The following FHIT variants were observed in gnomAD, a reference collection of about 807,000 sequenced individuals.
FHIT encodes the protein bis(5'-adenosyl)-triphosphatase.
FHIT carries 19 observed loss-of-function variants against 17.9 expected under a neutral mutation model. The observed-to-expected ratio is 1.06, with a 90% CI of 0.74 to 1.56. The LOEUF (loss-of-function observed/expected upper bound fraction) is 1.56. Ranked by LOEUF, FHIT falls within the 40% of genes most tolerant of loss-of-function variation. The pLI is 0.00. For missense variants in FHIT, 248 were observed against 189.2 expected, an observed-to-expected ratio of 1.31 and a Z score of -1.82; for synonymous variants, 81 against 69.7, an observed-to-expected ratio of 1.16 and a Z score of -0.81.
chr3:60,413,706 A>G (rs1702147243), intron 5 of FHIT, among the ~76,000 whole-genome samples: 1 of 151,924 alleles, frequency 6.6e-6, no homozygotes, highest in Admixed American at 6.6e-5. Context: ...ATTCTTTTAA[A>G]CTGCTTACAA....
intron 2 of FHIT, among the ~76,000 whole-genome samples, chr3:61,188,680 TC>T (rs2038608535): frequency 6.6e-6 from 1 of 152,104 alleles, no homozygotes; most frequent in Admixed American, 6.6e-5. Context: ...GCAAAAATCC[TC>T]AATAAAATAC....
intron 4 of FHIT, among the ~76,000 whole-genome samples, chr3:60,642,925 G>C (rs2039762364): frequency 6.6e-6 from 1 of 152,112 alleles, no homozygotes; most frequent in African/African-American, 2.4e-5. Context: ...CACTAATGAG[G>C]TCAAAGCCCC....
At chr3:60,192,731 C>A (rs1702462535) in intron 5 of FHIT, among the ~76,000 whole-genome samples, 1 of 152,166 alleles carries the variant, frequency 6.6e-6, no homozygotes, top group African/African-American at 2.4e-5. Context: ...CACTCTGAGT[C>A]CTAACTTTCT....
intron 5 of FHIT, among the ~76,000 whole-genome samples, chr3:60,292,607 C>A (rs1708037472): frequency 6.6e-6 from 1 of 152,140 alleles, no homozygotes; most frequent in Non-Finnish European, 1.5e-5. Context: ...CCATATTATT[C>A]TATCTGTGAC....
At chr3:60,120,638 A>AT (rs981163729) in intron 5 of FHIT, among the ~76,000 whole-genome samples, 1 of 152,048 alleles carries the variant, frequency 6.6e-6, no homozygotes, top group Non-Finnish European at 1.5e-5. Flanking sequence ...TCTAAACAGC[A>AT]TTTTTTAAAG....
chr3:60,927,260 C>T (rs1186341298), intron 3 of FHIT, among the ~76,000 whole-genome samples: 11 of 152,236 alleles, frequency 7.2e-5, no homozygotes, highest in African/African-American at 2.2e-4. Context: ...CTCGGCCTCC[C>T]GAGGTGCCGG....
chr3:60,441,244 T>C (rs1459505630), intron 5 of FHIT, among the ~76,000 whole-genome samples: 1 of 152,086 alleles, frequency 6.6e-6, no homozygotes, highest in Non-Finnish European at 1.5e-5. Flanking sequence ...CTTTGCCCTC[T>C]TCAGATTCCT....
At position 60,027,610 on chromosome 3, in the gene FHIT, T is replaced by C. The variant is rs141371669; in HGVS notation, c.104-13458A>G. Among the ~76,000 whole-genome samples, 855 of 151,818 alleles carry C rather than the reference T, an allele frequency of 5.6e-3. 7 individuals are homozygous for C. Among genetic ancestry groups the C allele is most frequent in the African/African-American group, 0.019 (805 of 41,358 alleles). On this transcript the variant is annotated intron_variant, in intron 5 of 9. Transcript: ENST00000492590. ...GACTGCAACCTCGAATACTACGCCA[T>C]AGAGTTCAGATTCCAACACCTTTAA...
At chr3:60,457,231 A>C (rs189973606) in intron 5 of FHIT, among the ~76,000 whole-genome samples, 2 of 152,024 alleles carry the variant, frequency 1.3e-5, no homozygotes, top group African/African-American at 4.8e-5. Context: ...ACCAAAACAG[A>C]GATATAGACC....
At chr3:61,214,988 G>A (rs1205543605) in intron 1 of FHIT, among the ~76,000 whole-genome samples, 2 of 151,326 alleles carry the variant, frequency 1.3e-5, no homozygotes, top group African/African-American at 4.9e-5. Context: ...CAATGAATTA[G>A]GTATTGATGG....
intron 4 of FHIT, among the ~76,000 whole-genome samples, chr3:60,679,304 TCAATG>T (rs2040693549): frequency 1.3e-5 from 2 of 152,274 alleles, no homozygotes; most frequent in South Asian, 4.1e-4. Flanking sequence ...TAGAAACAGG[TCAATG>T]AAGCTACCTG....
intron 5 of FHIT, among the ~76,000 whole-genome samples, chr3:60,125,808 A>G (rs1209267115): frequency 6.6e-6 from 1 of 152,046 alleles, no homozygotes. Context: ...TATAGCAGCT[A>G]ACACACAGTG....
intron 8 of FHIT, among the ~76,000 whole-genome samples, chr3:59,773,383 T>C (rs916971995): frequency 6.6e-6 from 1 of 152,192 alleles, no homozygotes; most frequent in Non-Finnish European, 1.5e-5. Context: ...AGGGAGACAC[T>C]AGAGGGTCCA....
At chr3:61,182,746 G>C (rs1024643367) in intron 2 of FHIT, among the ~76,000 whole-genome samples, 1 of 152,122 alleles carries the variant, frequency 6.6e-6, no homozygotes, top group Non-Finnish European at 1.5e-5. Flanking sequence ...ATTCAGGATA[G>C]GGGGTATGGG....
At chr3:60,202,256 A>T (rs1297003686) in intron 5 of FHIT, among the ~76,000 whole-genome samples, 1 of 152,206 alleles carries the variant, frequency 6.6e-6, no homozygotes, top group African/African-American at 2.4e-5. Flanking sequence ...AGGAAGTTGG[A>T]CCAATGACCT....
intron 7 of FHIT, among the ~76,000 whole-genome samples, chr3:59,951,833 T>G (rs1020541234): frequency 2.0e-5 from 3 of 152,116 alleles, no homozygotes; most frequent in South Asian, 4.2e-4. Flanking sequence ...GCCACAGAAT[T>G]TGCATCTCAC....
chr3:61,017,747 C>A (rs182042251), intron 3 of FHIT, among the ~76,000 whole-genome samples: 33 of 152,266 alleles, frequency 2.2e-4, no homozygotes, highest in Admixed American at 1.8e-3. Context: ...TGAGGAGGGG[C>A]ATTATCTTCT....
At chr3:59,783,355 G>T (rs1401622050) in intron 8 of FHIT, among the ~76,000 whole-genome samples, 1 of 152,138 alleles carries the variant, frequency 6.6e-6, no homozygotes. Flanking sequence ...TGTAGTCTCA[G>T]CTACTCGGGA....
chr3:60,958,006 G>T (rs1003408469), intron 3 of FHIT, among the ~76,000 whole-genome samples: 1 of 152,114 alleles, frequency 6.6e-6, no homozygotes, highest in African/African-American at 2.4e-5. Context: ...ATTTAGACTA[G>T]ATTCCTCCTT....
Sources: allele counts gnomAD v4.1 joint callset (sites outside exome capture counted in the v4.1 genomes callset), GRCh38; gene constraint gnomAD v4.1.1; transcripts MANE v1.5; gene names NCBI Gene and HGNC (gene_info 2026-07-23, HGNC 2026-07-21).